Variants in ATP9B observed in about 807,000 individuals in gnomAD.
The protein encoded by ATP9B is ATPase phospholipid transporting 9B.
Under a neutral mutation model 146.1 loss-of-function variants are expected in ATP9B, and 110 were observed. The observed-to-expected ratio is 0.75, with a 90% CI of 0.65 to 0.88. ATP9B has a LOEUF of 0.88. Among genes scored for constraint, ATP9B ranks in the 40% least tolerant of loss-of-function variants. The pLI, the probability that ATP9B is intolerant of heterozygous loss-of-function variation, is 0.00. For missense variants in ATP9B, 1,499 were observed against 1,496.4 expected, an observed-to-expected ratio of 1.00 and a Z score of -0.03; for synonymous variants, 604 against 569.7, an observed-to-expected ratio of 1.06 and a Z score of -0.86.
At chr18:79,327,513 T>TGGTTAGCGTGTTCTCCAC (rs1568696663) in intron 15 of ATP9B, among the ~76,000 whole-genome samples, 7 of 121,318 alleles carry the variant, frequency 5.8e-5, no homozygotes, top group African/African-American at 2.0e-4. Context: ...GCTCTCTCCA[T>TGGTTAGCGTGTTCTCCAC]GGTTAGCGTG....
chr18:79,205,592 T>C (rs2095526587), intron 9 of ATP9B, among the ~76,000 whole-genome samples: 1 of 151,862 alleles, frequency 6.6e-6, no homozygotes, highest in Non-Finnish European at 1.5e-5. Context: ...CAGGACAGTG[T>C]GTGGCTTTTA....
chr18:79,147,642 C>T (rs1156240266), intron 6 of ATP9B, among the ~76,000 whole-genome samples: 3 of 151,994 alleles, frequency 2.0e-5, no homozygotes, highest in South Asian at 2.1e-4. Context: ...GAAAATTCTG[C>T]ATTCTGGAAT....
At chr18:79,101,881 T>C (rs1306927487) in intron 2 of ATP9B, among the ~76,000 whole-genome samples, 1 of 152,256 alleles carries the variant, frequency 6.6e-6, no homozygotes, top group Non-Finnish European at 1.5e-5. Flanking sequence ...TCTTTACATA[T>C]TCTAACTATG....
At chr18:79,090,358 C>T (rs1464289245) in intron 1 of ATP9B, among the ~76,000 whole-genome samples, 1 of 152,122 alleles carries the variant, frequency 6.6e-6, no homozygotes, top group East Asian at 1.9e-4. Flanking sequence ...AACTGTTCTC[C>T]ACAGTGATTG....
chr18:79,287,344 T>C (rs1381402904), intron 13 of ATP9B, among the ~76,000 whole-genome samples: 1 of 152,244 alleles, frequency 6.6e-6, no homozygotes, highest in African/African-American at 2.4e-5. Context: ...GGTTTAGTCT[T>C]AGGAGGGTGT....
At chr18:79,149,996 G>T (rs1350238742) in intron 6 of ATP9B, among the ~76,000 whole-genome samples, 1 of 152,054 alleles carries the variant, frequency 6.6e-6, no homozygotes, top group Non-Finnish European at 1.5e-5. Context: ...CAGGAGAATC[G>T]CTAGAACCCG....
chr18:79,332,577 C>G (rs1021026726), intron 17 of ATP9B, among the ~76,000 whole-genome samples: 22 of 152,186 alleles, frequency 1.4e-4, no homozygotes, highest in African/African-American at 3.1e-4. Context: ...TGGTCTTGCT[C>G]TCTCAGGAGG....
chr18:79,253,531 A>G lies in ATP9B; in HGVS notation c.1258A>G (p.Ile420Val), dbSNP rs762768001. The G allele has an allele frequency of 9.4e-6, 15 of 1,592,878 alleles. No individual in the cohort carries two copies. The highest frequency in any genetic ancestry group is 3.5e-5 in the South Asian group (3 of 86,256). ...FRFLLLFSYI[I>V]PISLRVNLDM... ...GTTCCTTCTCCTCTTTTCTTACATC[A>G]TTCCCATAAGGTAAGTTTAAAAATG... The change falls in exon 12 of 30, where the codon ATT becomes GTT. Residue 420 changes from isoleucine (I) to valine (V), a missense_variant. By Grantham distance (29) the Ile-to-Val change is conservative (BLOSUM62 3). Transcript: ENST00000426216.
chr18:79,104,657 A>G (rs943211205), intron 2 of ATP9B, among the ~76,000 whole-genome samples: 2 of 152,184 alleles, frequency 1.3e-5, no homozygotes, highest in Non-Finnish European at 2.9e-5. Flanking sequence ...AATATACTTG[A>G]AAATATAGAT....
At chr18:79,087,918 A>G (rs1734955017) in intron 1 of ATP9B, among the ~76,000 whole-genome samples, 1 of 152,190 alleles carries the variant, frequency 6.6e-6, no homozygotes, top group Admixed American at 6.5e-5. Flanking sequence ...TTCCAGAATT[A>G]TAGTTAATTG....
At chr18:79,292,958 G>C (rs566060798) in intron 13 of ATP9B, among the ~76,000 whole-genome samples, 80 of 152,070 alleles carry the variant, frequency 5.3e-4, no homozygotes, top group African/African-American at 1.7e-3. Context: ...CAAAGCTACA[G>C]TAATCAAGAC....
chr18:79,347,157 A>G (rs1441339979), intron 23 of ATP9B, among the ~76,000 whole-genome samples: 1 of 152,122 alleles, frequency 6.6e-6, no homozygotes, highest in Non-Finnish European at 1.5e-5. Context: ...TTTGAGGTTC[A>G]TCTTCCGTGC....
intron 17 of ATP9B, among the ~76,000 whole-genome samples, chr18:79,335,016 G>C (rs1031736107): frequency 6.7e-6 from 1 of 149,822 alleles, no homozygotes; most frequent in African/African-American, 2.5e-5. Context: ...CATGAGGCCT[G>C]TCCCTCTGGG....
chr18:79,154,572 A>G lies in ATP9B; in HGVS notation c.778+17A>G, dbSNP rs376473562. ...AAAAAGCAGGTATTTTTACATTTAA[A>G]AAAACTTACCTAACTGTATATTATT... On this transcript the variant is annotated intron_variant, in intron 7 of 29. Coordinates refer to ENST00000426216, the MANE Select transcript of ATP9B (RefSeq NM_198531.5). 26 of 1,509,418 alleles carry G rather than the reference A, an allele frequency of 1.7e-5. No homozygotes were observed. The highest frequency in any genetic ancestry group is 2.2e-5 in the Non-Finnish European group (25 of 1,129,668). The allele number at this position is 1,509,418 out of a possible 1,614,324, so 93.5% of individuals were successfully genotyped here. A position where few individuals can be genotyped will look rare whatever the true frequency, so the allele number is the denominator to read the frequency against.
intron 15 of ATP9B, among the ~76,000 whole-genome samples, chr18:79,327,840 GGTTAGCGTGCTCTCCA>G (rs2096765572): frequency 1.9e-5 from 1 of 51,830 alleles, no homozygotes. Flanking sequence ...TGTTCTCCGT[GGTTAGCGTGCTCTCCA>G]TGGTTAGCGT....
At chr18:79,244,253 G>C (rs2095918662) in intron 11 of ATP9B, among the ~76,000 whole-genome samples, 1 of 151,670 alleles carries the variant, frequency 6.6e-6, no homozygotes, top group Non-Finnish European at 1.5e-5. Context: ...CCACCCCCCT[G>C]CCCTCCTGTG....
rs2095867740 is a variant in ATP9B, at chr18:79,239,140, A to G, written c.1108-14241A>G. 6.6e-6 allele frequency among the ~76,000 whole-genome samples: 1 copy of G among 152,064 alleles called. No individual in the cohort carries two copies. Among genetic ancestry groups the G allele is most frequent in the South Asian group, 2.1e-4 (1 of 4,816 alleles). On this transcript the variant is annotated intron_variant, in intron 11 of 29. Transcript: ENST00000426216. The surrounding 1 kb of genome is among the most constrained non-coding windows in gnomAD (Gnocchi z 5.1). ...AGGAAGGATGGCGTCTCAGGCAGAG[A>G]ACAGATGTGCCCAGATCCAAGGTGG...
chr18:79,195,674 C>T (rs557532288), intron 9 of ATP9B, among the ~76,000 whole-genome samples: 6 of 152,096 alleles, frequency 3.9e-5, no homozygotes, highest in African/African-American at 1.4e-4. Context: ...AACAGGATAA[C>T]GTGAATGAGA....
intron 7 of ATP9B, among the ~76,000 whole-genome samples, chr18:79,157,189 CG>C (rs2094797054): frequency 6.8e-6 from 1 of 147,222 alleles, no homozygotes; most frequent in Non-Finnish European, 1.5e-5. Flanking sequence ...GGCAAAACCC[CG>C]TCTCTACTAA....
Sources: gnomAD v4.1 joint callset for allele counts (sites outside exome capture counted in the v4.1 genomes callset) on GRCh38, gnomAD v4.1.1 for gene constraint, Gnocchi (gnomAD v3.1) non-coding constraint, MANE v1.5 for transcripts, NCBI Gene and HGNC (gene_info 2026-07-23, HGNC 2026-07-21) for gene names.